Variants in ABCC5 observed in about 807,000 individuals in gnomAD.
ABCC5 encodes ATP-binding cassette sub-family C member 5.
A neutral mutation model predicts 160.9 loss-of-function variants in ABCC5; 61 were observed. That is an observed-to-expected ratio of 0.38 (90% CI 0.31 to 0.47). The LOEUF (loss-of-function observed/expected upper bound fraction) is 0.47, where lower values mean the gene tolerates loss of function less well. Among genes scored for constraint, ABCC5 ranks in the 20% least tolerant of loss-of-function variants. ABCC5 has a pLI of 0.99. For missense variants in ABCC5, 1,308 were observed against 1,813.3 expected, an observed-to-expected ratio of 0.72 and a Z score of 5.06; for synonymous variants, 666 against 700.6, an observed-to-expected ratio of 0.95 and a Z score of 0.78.
intron 17 of ABCC5, among the ~76,000 whole-genome samples, chr3:183,957,138 G>T (rs540624537): frequency 4.5e-5 from 4 of 89,104 alleles, no homozygotes; most frequent in African/African-American, 1.2e-4. Flanking sequence ...GGTTACATGC[G>T]GGTCCGTGTG....
chr3:183,956,107 T>A (rs1303983404), intron 17 of ABCC5, among the ~76,000 whole-genome samples: 1 of 143,842 alleles, frequency 7.0e-6, no homozygotes, highest in Non-Finnish European at 1.5e-5. Context: ...TCACATCTGT[T>A]ACATGCAGCT....
chr3:183,980,714 G>GTT (rs11364435), intron 8 of ABCC5, among the ~76,000 whole-genome samples: 25 of 136,078 alleles, frequency 1.8e-4, no homozygotes, highest in South Asian at 6.9e-4. Flanking sequence ...ACACTGTTTT[G>GTT]TTTTTTTTTT....
chr3:183,956,230 TCGG>T, intron 17 of ABCC5, among the ~76,000 whole-genome samples: 3 of 148,806 alleles, frequency 2.0e-5, no homozygotes, highest in Admixed American at 1.3e-4. Flanking sequence ...GTAAATCACA[TCGG>T]TTACATGCAG....
In ABCC5 at chr3:183,987,887, A is replaced by T. The variant is rs1250458202; in HGVS notation, c.474T>A (p.Asn158Lys). Reference sequence around the variant, plus strand: ...GGGAAGCAGCGTCTGGCCCAACTTCATTCAGCTCTTCTTGCCACAGTCTCT... The same window carrying T: ...GGGAAGCAGCGTCTGGCCCAACTTCTTTCAGCTCTTCTTGCCACAGTCTCT... ...RLERLWQEEL[N>K]EVGPDAASLR... The change falls in exon 5 of 30, where the codon AAT becomes AAA. Residue 158 changes from asparagine (N) to lysine (K), a missense_variant. Asn to Lys is a moderately conservative substitution (Grantham distance 94). Transcript: ENST00000334444. This position sits in a 1 kb window ranked among gnomAD's most constrained non-coding sequence, Gnocchi z 4.2. 1 of 1,614,032 alleles carries T rather than the reference A, an allele frequency of 6.2e-7. No individual in the cohort carries two copies. The highest frequency in any genetic ancestry group is 8.5e-7 in the Non-Finnish European group (1 of 1,180,026).
At chr3:183,992,234 C>A (rs1719830478) in intron 2 of ABCC5, among the ~76,000 whole-genome samples, 1 of 152,176 alleles carries the variant, frequency 6.6e-6, no homozygotes, top group Non-Finnish European at 1.5e-5. Context: ...ATCAAACGGG[C>A]ATGACAATTT....
intron 17 of ABCC5, among the ~76,000 whole-genome samples, chr3:183,956,916 A>C (rs1482609355): frequency 7.3e-6 from 1 of 136,838 alleles, no homozygotes; most frequent in Non-Finnish European, 1.6e-5. Context: ...TTACATGCAG[A>C]TCCGTGTGTA....
chr3:183,934,647 C>T (rs898330878), intron 26 of ABCC5, among the ~76,000 whole-genome samples: 3 of 152,162 alleles, frequency 2.0e-5, no homozygotes, highest in Non-Finnish European at 2.9e-5. Flanking sequence ...ACCAGCTGCA[C>T]GCGCCCATGG....
intron 10 of ABCC5, among the ~76,000 whole-genome samples, chr3:183,974,199 T>A (rs1021007241): frequency 6.6e-6 from 1 of 152,194 alleles, no homozygotes; most frequent in African/African-American, 2.4e-5. Context: ...AAAACACTAT[T>A]CATTCACTAG....
intron 18 of ABCC5, among the ~76,000 whole-genome samples, chr3:183,952,537 G>A (rs1428810160): frequency 6.6e-6 from 1 of 152,142 alleles, no homozygotes; most frequent in African/African-American, 2.4e-5. Flanking sequence ...GTTGAGGAAG[G>A]GACCCGGTGG....
At chr3:183,938,206 G>A in intron 25 of ABCC5, 146 bp from the exon 26 acceptor site, 1 of 812,050 alleles carries the variant, frequency 1.2e-6, no homozygotes, top group South Asian at 1.9e-5. Context: ...TGTATAAAAT[G>A]ATAGAAAAAT....
At chr3:183,946,973 T>C (rs1714902510) in intron 23 of ABCC5, among the ~76,000 whole-genome samples, 1 of 152,192 alleles carries the variant, frequency 6.6e-6, no homozygotes. Flanking sequence ...ATAACATTTC[T>C]TAGAAGACTA....
chr3:184,005,381 T>C (rs1440007237), intron 2 of ABCC5, among the ~76,000 whole-genome samples: 1 of 152,150 alleles, frequency 6.6e-6, no homozygotes, highest in Non-Finnish European at 1.5e-5. Flanking sequence ...TAATCTTAAA[T>C]AGTTAAAACA....
intron 26 of ABCC5, among the ~76,000 whole-genome samples, chr3:183,936,241 C>T (rs2176824): frequency 2.6e-5 from 4 of 151,744 alleles, no homozygotes; most frequent in Admixed American, 1.3e-4. Flanking sequence ...ACCAGGAAGA[C>T]GGCCCTCAGC....
intron 25 of ABCC5, among the ~76,000 whole-genome samples, chr3:183,938,846 A>T (rs1411645461): frequency 6.6e-6 from 1 of 152,188 alleles, no homozygotes; most frequent in Non-Finnish European, 1.5e-5. Context: ...TTCCAGGGAT[A>T]AATAAACACA....
At chr3:184,013,404 C>T (rs1054422277) in intron 2 of ABCC5, among the ~76,000 whole-genome samples, 19 of 152,056 alleles carry the variant, frequency 1.2e-4, no homozygotes, top group African/African-American at 4.6e-4. Flanking sequence ...CAGGTGCCCA[C>T]CACCACACCT....
intron 28 of ABCC5, among the ~76,000 whole-genome samples, chr3:183,926,262 CTGA>C (rs1359716037): frequency 1.3e-5 from 2 of 149,658 alleles, no homozygotes; most frequent in Non-Finnish European, 3.0e-5. Context: ...TTGTAAAATA[CTGA>C]TCTAGGCTGA....
In ABCC5 at chr3:183,959,770, T is replaced by A; in HGVS notation, c.2445A>T (p.Gly815=). The part of the protein sequence containing the change: ...KKSQDKGPKT[G]SVKKEKAVKP... ...TTACTGCTTTTTCCTTCTTTACTGA[T>A]CCTGTTTTAGGACCCTTGTCTTGTG... Residue 815 remains glycine, a synonymous_variant, in exon 17 of 30, where the codon GGA becomes GGT. Coordinates refer to ENST00000334444, the MANE Select transcript of ABCC5 (RefSeq NM_005688.4). The A allele has an allele frequency of 6.2e-7, 1 of 1,613,074 alleles. No homozygotes were observed. Among genetic ancestry groups the A allele is most frequent in the Non-Finnish European group, 8.5e-7 (1 of 1,179,550 alleles).
At chr3:183,960,228 G>A (rs1577534864) in intron 16 of ABCC5, among the ~76,000 whole-genome samples, 2 of 152,224 alleles carry the variant, frequency 1.3e-5, no homozygotes, top group East Asian at 3.9e-4. Context: ...TTTTCCACCT[G>A]GTTCTGTAGG....
chr3:183,937,823 G>A, intron 26 of ABCC5, 78 bp downstream of exon 26: 1 of 1,509,166 alleles, frequency 6.6e-7, no homozygotes. Flanking sequence ...CCAGGGGGCG[G>A]TGCTAGCATC....
Sources: allele counts gnomAD v4.1 joint callset (sites outside exome capture counted in the v4.1 genomes callset), GRCh38; gene constraint gnomAD v4.1.1; non-coding constraint Gnocchi (gnomAD v3.1); transcripts MANE v1.5; gene names NCBI Gene and HGNC (gene_info 2026-07-23, HGNC 2026-07-21).